Variants in EMB observed in about 807,000 individuals in gnomAD.
EMB encodes the protein embigin homolog.
Under a neutral mutation model 41.4 loss-of-function variants are expected in EMB, and 31 were observed. The ratio of observed to expected loss-of-function variants is 0.75; its 90% confidence interval spans 0.56 to 1.01. EMB has a LOEUF of 1.01. Ranked by LOEUF, EMB falls within the 50% of genes least tolerant of loss-of-function variation. EMB has a pLI of 0.00. For synonymous variants in EMB, 137 were observed against 140.4 expected (o/e 0.98, Z 0.17); for missense variants, 379 against 388.3 (o/e 0.98, Z 0.20).
Position 50,441,199 on chromosome 5 carries a change from T to A in EMB, c.-48A>T. Reference sequence around the variant, plus strand: ...TCCTCGTGGAGACTGCTCCCTCAGCTCGCCGCCGCGGGTGTCCAGAGTCCC... The same window carrying A: ...TCCTCGTGGAGACTGCTCCCTCAGCACGCCGCCGCGGGTGTCCAGAGTCCC... On this transcript the variant is annotated 5_prime_UTR_variant, in exon 1 of 9. Transcript: ENST00000303221. 8.3e-7 allele frequency: 1 copy of A among 1,204,588 alleles called. No individual in the cohort carries two copies. Among genetic ancestry groups the A allele is most frequent in the Non-Finnish European group, 1.1e-6 (1 of 926,508 alleles). 74.6% of individuals were successfully genotyped at this position (1,204,588 alleles called of 1,614,324 possible).
chr5:50,403,338 T>C lies in EMB; in HGVS notation c.717A>G (p.Ala239=). Residue 239 remains alanine (A), a synonymous_variant, in exon 6 of 9, where the codon GCA becomes GCG. Coordinates refer to ENST00000303221, the MANE Select transcript of EMB (RefSeq NM_198449.3). ...EEDGESYWCR[A]LFQLGESEEH... is the part of the protein sequence containing the mutation. The stretch of plus-strand genomic sequence containing the variant: ...CTTCACTCTCGCCTAATTGGAATAG[T>C]GCACGGCACCAGTAAGATTCCCCAT... The C allele has an allele frequency of 6.2e-7, 1 of 1,612,848 alleles. No individual in the cohort carries two copies. Among genetic ancestry groups the C allele is most frequent in the South Asian group, 1.1e-5 (1 of 91,062 alleles).
intron 1 of EMB, among the ~76,000 whole-genome samples, chr5:50,435,727 T>A (rs1056221130): frequency 2.0e-5 from 3 of 152,360 alleles, no homozygotes; most frequent in Admixed American, 6.5e-5. Flanking sequence ...TCTGAAGAGT[T>A]ACTTTGAATC....
intron 2 of EMB, among the ~76,000 whole-genome samples, chr5:50,417,591 A>G (rs948715462): frequency 2.0e-5 from 3 of 152,232 alleles, no homozygotes; most frequent in African/African-American, 7.2e-5. Context: ...CAATGTGCAC[A>G]GAGAAACCTG....
At chr5:50,404,783 C>T (rs1745222209) in intron 5 of EMB, among the ~76,000 whole-genome samples, 1 of 151,918 alleles carries the variant, frequency 6.6e-6, no homozygotes, top group Non-Finnish European at 1.5e-5. Flanking sequence ...GGAATGGCTT[C>T]AGTCTGCATC....
chr5:50,434,943 C>T (rs531220552), intron 1 of EMB, among the ~76,000 whole-genome samples: 1 of 152,264 alleles, frequency 6.6e-6, no homozygotes, highest in African/African-American at 2.4e-5. Flanking sequence ...ATATGTGAGA[C>T]CAGCTGTACA....
chr5:50,422,053 A>C (rs1226553070), intron 2 of EMB, among the ~76,000 whole-genome samples: 1 of 152,238 alleles, frequency 6.6e-6, no homozygotes, highest in Non-Finnish European at 1.5e-5. Flanking sequence ...AATTAAAAAA[A>C]AGAAGTGCAT....
chr5:50,401,388 C>G (rs150496149), intron 7 of EMB, among the ~76,000 whole-genome samples: 1 of 151,998 alleles, frequency 6.6e-6, no homozygotes, highest in Non-Finnish European at 1.5e-5. Context: ...CTCCATAGAG[C>G]TCCTGTTGGC....
At position 50,441,143 on chromosome 5, in the gene EMB, G is replaced by T; in HGVS notation, c.9C>A (p.Ala3=). The T allele has an allele frequency of 6.7e-7, 1 of 1,498,738 alleles. No individual in the cohort carries two copies. Among genetic ancestry groups the T allele is most frequent in the Non-Finnish European group, 8.9e-7 (1 of 1,127,430 alleles). The allele number at this position is 1,498,738 out of a possible 1,614,324, so 92.8% of individuals were successfully genotyped here. MR[A]LPGLLEARAR... ...CCCTGGCCTCCAGCAGGCCGGGGAG[G>T]GCGCGCATGGCGCCAGAGGGTCCGC... The change falls in exon 1 of 9, where the codon GCC becomes GCA. Residue 3 remains alanine (A), a synonymous_variant. Transcript: ENST00000303221.
intron 1 of EMB, among the ~76,000 whole-genome samples, chr5:50,429,487 A>C (rs552722154): frequency 6.3e-4 from 96 of 152,330 alleles, no homozygotes; most frequent in African/African-American, 2.3e-3. Context: ...TTAGCTTTAG[A>C]ACATTGCTTT....
chr5:50,428,975 A>G (rs2111848678), intron 1 of EMB, among the ~76,000 whole-genome samples: 1 of 152,114 alleles, frequency 6.6e-6, no homozygotes, highest in South Asian at 2.1e-4. Context: ...AGATCTCTGC[A>G]ACCTCAGCCT....
intron 2 of EMB, among the ~76,000 whole-genome samples, chr5:50,412,286 A>T (rs546872007): frequency 4.6e-5 from 7 of 151,060 alleles, no homozygotes; most frequent in Non-Finnish European, 7.4e-5. Flanking sequence ...ACACACACTG[A>T]AGGGGTCCAG....
chr5:50,437,436 C>A (rs1346626619), intron 1 of EMB, among the ~76,000 whole-genome samples: 1 of 152,174 alleles, frequency 6.6e-6, no homozygotes, highest in Non-Finnish European at 1.5e-5. Context: ...TGAGCACATT[C>A]TGAAGAGTTA....
intron 2 of EMB, among the ~76,000 whole-genome samples, chr5:50,425,559 G>A (rs754699204): frequency 5.9e-5 from 9 of 151,958 alleles, no homozygotes; most frequent in African/African-American, 1.5e-4. Context: ...AAATACTATG[G>A]ACATTGGAAA....
intron 2 of EMB, among the ~76,000 whole-genome samples, chr5:50,416,789 T>C (rs1745437324): frequency 6.6e-6 from 1 of 152,054 alleles, no homozygotes; most frequent in Admixed American, 6.6e-5. Flanking sequence ...AAAGATCCTC[T>C]CCGTAAGACA....
At chr5:50,442,190 C>A (rs1483636088), upstream of EMB, among the ~76,000 whole-genome samples, 2 of 150,010 alleles carry the variant, frequency 1.3e-5, no homozygotes, top group African/African-American at 4.9e-5. Flanking sequence ...TTCGTAAATT[C>A]AAAATATATC....
chr5:50,417,286 T>A (rs1745444815), intron 2 of EMB, among the ~76,000 whole-genome samples: 1 of 152,192 alleles, frequency 6.6e-6, no homozygotes, highest in Admixed American at 6.5e-5. Flanking sequence ...ATACAATGGA[T>A]CTTATTTTTA....
At chr5:50,412,879 C>G (rs1253860539) in intron 2 of EMB, among the ~76,000 whole-genome samples, 2 of 144,560 alleles carry the variant, frequency 1.4e-5, no homozygotes. Context: ...CAGGTAAGTA[C>G]AAGCTTTTTT....
intron 1 of EMB, among the ~76,000 whole-genome samples, chr5:50,437,967 C>A (rs1399019983): frequency 6.6e-6 from 1 of 152,140 alleles, no homozygotes; most frequent in African/African-American, 2.4e-5. Flanking sequence ...CTTATTTAAT[C>A]AAAAAACCTT....
In EMB at chr5:50,411,159, T is replaced by C. The variant is rs774630688; in HGVS notation, c.383+38A>G. The C allele has an allele frequency of 2.0e-6, 3 of 1,533,140 alleles. No homozygotes were observed. The Admixed American group carries it at 6.1e-5, about 31-fold the overall frequency. The allele number at this position is 1,533,140 out of a possible 1,614,324, so 95.0% of individuals were successfully genotyped here. ...GCAAAAATATTTAGAATTAAGCTAC[T>C]TTTGGTGAGCAAGGTAGGTTAAAAT... On this transcript the variant is annotated intron_variant, in intron 3 of 8. Transcript: ENST00000303221.
Sources: allele counts gnomAD v4.1 joint callset (sites outside exome capture counted in the v4.1 genomes callset), GRCh38; gene constraint gnomAD v4.1.1; transcripts MANE v1.5; gene names NCBI Gene and HGNC (gene_info 2026-07-23, HGNC 2026-07-21).